The following SLC8A1 variants were observed in gnomAD, a reference collection of about 807,000 sequenced individuals.
SLC8A1 encodes solute carrier family 8 member A1, also known as sodium/calcium exchanger 1.
In SLC8A1, 18 loss-of-function variants were observed where a neutral mutation model predicts 68.3. The observed-to-expected ratio is 0.26, with a 90% confidence interval of 0.18 to 0.39. The LOEUF is 0.39. Among genes scored for constraint, SLC8A1 ranks in the 10% least tolerant of loss-of-function variants. SLC8A1 has a pLI of 1.00. For missense variants in SLC8A1, 985 were observed against 1,156.7 expected (o/e 0.85, Z 2.15); for synonymous variants, 475 against 415.5 (o/e 1.14, Z -1.74).
rs1011977702 is a variant in SLC8A1, at chr2:40,418,496, G to C, written c.1808+9977C>G. On this transcript the variant is annotated intron_variant, in intron 2 of 7. Coordinates refer to ENST00000406785, the Ensembl canonical transcript of SLC8A1. Reference sequence around the variant, plus strand: ...CATGTCAGGATATTCTGAGGTACTAGGCCACCTGAGCCTAAGACCTCAAAA... The same window carrying C: ...CATGTCAGGATATTCTGAGGTACTACGCCACCTGAGCCTAAGACCTCAAAA... 2.0e-5 allele frequency among the ~76,000 whole-genome samples: 3 copies of C among 152,072 alleles called. No homozygotes were observed. In the East Asian group the frequency reaches 5.8e-4, roughly 29 times the overall value.
chr2:40,238,533 C>T (rs1175087311), intron 2 of SLC8A1, among the ~76,000 whole-genome samples: 1 of 152,176 alleles, frequency 6.6e-6, no homozygotes, highest in Non-Finnish European at 1.5e-5. Context: ...GAACCCAGTA[C>T]CTCAGATGGA....
chr2:40,150,604 C>T (rs1285455779), intron 6 of SLC8A1, among the ~76,000 whole-genome samples: 1 of 152,136 alleles, frequency 6.6e-6, no homozygotes, highest in Admixed American at 6.6e-5. Flanking sequence ...GCTGCTGCCA[C>T]CCCAGACAAA....
intron 2 of SLC8A1, among the ~76,000 whole-genome samples, chr2:40,218,762 G>C (rs1382885634): frequency 6.7e-6 from 1 of 149,642 alleles, no homozygotes; most frequent in Non-Finnish European, 1.5e-5. Context: ...CTTGCTTGCA[G>C]AGATTGGTAG....
At chr2:40,309,625 C>T (rs1029133990) in intron 2 of SLC8A1, among the ~76,000 whole-genome samples, 1 of 151,256 alleles carries the variant, frequency 6.6e-6, no homozygotes, top group African/African-American at 2.4e-5. Flanking sequence ...CCTGCCTCAC[C>T]CTCCCAAGTA....
chr2:40,418,763 A>C (rs553211475), intron 2 of SLC8A1, among the ~76,000 whole-genome samples: 53 of 152,330 alleles, frequency 3.5e-4, no homozygotes, highest in Middle Eastern at 6.8e-3. Flanking sequence ...AGTTGTTCCT[A>C]ATCTCTGCTC....
intron 2 of SLC8A1, among the ~76,000 whole-genome samples, chr2:40,193,518 T>C (rs745581221): frequency 6.6e-6 from 1 of 152,080 alleles, no homozygotes; most frequent in Non-Finnish European, 1.5e-5. Context: ...AGGCATGGCA[T>C]GTTTAAGAAG....
intron 7 of SLC8A1, 70 bp downstream of exon 10, chr2:40,139,331 G>A: frequency 6.5e-7 from 1 of 1,548,446 alleles, no homozygotes; most frequent in Non-Finnish European, 8.8e-7. Context: ...TGAAATTGTA[G>A]GAAAGAAAGT....
rs867885878 is a variant in SLC8A1 at position 40,289,094 on chromosome 2, T to C, written c.1809-111239A>G. Reference sequence around the variant, plus strand: ...AAATGTAATGCTAAAATACGATGACTGATTCTTTTTTTTTTCAGTCAAATG... The same window carrying C: ...AAATGTAATGCTAAAATACGATGACCGATTCTTTTTTTTTTCAGTCAAATG... On this transcript the variant is annotated intron_variant, in intron 2 of 7. Coordinates refer to ENST00000406785, the Ensembl canonical transcript of SLC8A1. 1.6e-4 allele frequency among the ~76,000 whole-genome samples: 25 copies of C among 152,068 alleles called. 1 individual carries two copies. The highest frequency in any genetic ancestry group is 6.0e-4 in the African/African-American group (25 of 41,502).
chr2:40,157,794 A>G (rs1025142725), intron 6 of SLC8A1, among the ~76,000 whole-genome samples: 11 of 152,230 alleles, frequency 7.2e-5, no homozygotes, highest in African/African-American at 2.4e-4. Context: ...TGTTCAACCC[A>G]GGAAGAAACA....
intron 2 of SLC8A1, among the ~76,000 whole-genome samples, chr2:40,305,599 A>G (rs748331960): frequency 6.6e-6 from 1 of 152,210 alleles, no homozygotes. Context: ...TGTGTGCTCA[A>G]TAAGTTTGTT....
intron 2 of SLC8A1, among the ~76,000 whole-genome samples, chr2:40,326,901 T>A (rs1414371051): frequency 6.6e-6 from 1 of 152,208 alleles, no homozygotes; most frequent in Non-Finnish European, 1.5e-5. Flanking sequence ...GCAGAGGTAT[T>A]GATCCCAAGG....
intron 1 of SLC8A1, among the ~76,000 whole-genome samples, chr2:40,448,881 T>C (rs1017901926): frequency 1.3e-5 from 2 of 152,148 alleles, no homozygotes; most frequent in East Asian, 1.9e-4. Flanking sequence ...TAATAGCATG[T>C]TGATTCCTAA....
intron 2 of SLC8A1, among the ~76,000 whole-genome samples, chr2:40,385,382 C>G (rs1227632122): frequency 6.8e-6 from 1 of 148,056 alleles, no homozygotes; most frequent in Non-Finnish European, 1.5e-5. Flanking sequence ...TTAAAACATT[C>G]ATTTATTTTT....
intron 2 of SLC8A1, among the ~76,000 whole-genome samples, chr2:40,300,253 T>C (rs1343750092): frequency 6.6e-6 from 1 of 152,188 alleles, no homozygotes; most frequent in Non-Finnish European, 1.5e-5. Flanking sequence ...CAATGCTAAG[T>C]ATTATCTTGT....
chr2:40,380,575 G>C (rs111722264), intron 2 of SLC8A1, among the ~76,000 whole-genome samples: 11 of 151,828 alleles, frequency 7.2e-5, no homozygotes, highest in African/African-American at 2.7e-4. Flanking sequence ...CTAATTATTC[G>C]GCACAAGTGG....
chr2:40,351,016 T>C (rs868765217), intron 2 of SLC8A1, among the ~76,000 whole-genome samples: 6 of 152,160 alleles, frequency 3.9e-5, no homozygotes, highest in African/African-American at 7.2e-5. Flanking sequence ...CCTTATCCCA[T>C]TGCCTATAAT....
intron 3 of SLC8A1, among the ~76,000 whole-genome samples, chr2:40,175,504 A>ATG (rs1436022012): frequency 2.3e-4 from 26 of 113,140 alleles, no homozygotes; most frequent in Non-Finnish European, 3.5e-4. Context: ...ATACATACGT[A>ATG]TATGTGTGTG....
intron 2 of SLC8A1, among the ~76,000 whole-genome samples, chr2:40,416,054 T>TAAAAAA (rs779668065): frequency 1.7e-5 from 2 of 116,244 alleles, no homozygotes; most frequent in African/African-American, 3.2e-5. Context: ...GGCTCTGTTT[T>TAAAAAA]AAAAAAAAAA....
intron 2 of SLC8A1, among the ~76,000 whole-genome samples, chr2:40,356,381 G>A (rs1672671014): frequency 6.6e-6 from 1 of 152,092 alleles, no homozygotes. Flanking sequence ...AGACCACAGA[G>A]AATCTAGTTC....
Sources: gnomAD v4.1 joint callset for allele counts (sites outside exome capture counted in the v4.1 genomes callset) on GRCh38, gnomAD v4.1.1 for gene constraint, MANE v1.5 for transcripts, NCBI Gene and HGNC (gene_info 2026-07-23, HGNC 2026-07-21) for gene names.